DNM3: variants seen among roughly 807,000 people sequenced by gnomAD.
DNM3 encodes dynamin-3.
DNM3 carries 47 observed loss-of-function variants against 101.6 expected under a neutral mutation model. The observed-to-expected ratio is 0.46, with a 90% CI of 0.37 to 0.59. The LOEUF is 0.59. Among genes scored for constraint, DNM3 ranks in the 20% least tolerant of loss-of-function variants. DNM3 has a pLI of 0.00. For synonymous variants in DNM3, 385 were observed against 387.9 expected, an observed-to-expected ratio of 0.99 and a Z score of 0.09; for missense variants, 849 against 1,085.7, an observed-to-expected ratio of 0.78 and a Z score of 3.06.
chr1:172,381,370 T>A (rs1284602701), intron 18 of DNM3, among the ~76,000 whole-genome samples: 2 of 152,054 alleles, frequency 1.3e-5, no homozygotes, highest in Non-Finnish European at 2.9e-5. Flanking sequence ...AAATTGTGGC[T>A]TTGTTTGAAA....
intron 2 of DNM3, among the ~76,000 whole-genome samples, chr1:171,949,169 G>C (rs2042348081): frequency 6.6e-6 from 1 of 151,902 alleles, no homozygotes; most frequent in Admixed American, 6.6e-5. Flanking sequence ...ACTAATTTTT[G>C]TACCATTAAC....
At chr1:171,931,204 C>G (rs570617684) in intron 2 of DNM3, among the ~76,000 whole-genome samples, 1 of 152,136 alleles carries the variant, frequency 6.6e-6, no homozygotes, top group African/African-American at 2.4e-5. Flanking sequence ...GACTGGAAGA[C>G]GTAACAGTGT....
intron 2 of DNM3, among the ~76,000 whole-genome samples, chr1:171,986,716 G>A (rs534240186): frequency 2.9e-4 from 44 of 150,288 alleles, no homozygotes; most frequent in Non-Finnish European, 5.9e-4. Context: ...CTGCAGCCTC[G>A]ACCTCACAGG....
At chr1:171,868,845 G>A (rs144965917) in intron 1 of DNM3, among the ~76,000 whole-genome samples, 2,937 of 151,982 alleles carry the variant, frequency 0.019, 48 homozygotes, top group Admixed American at 0.037. Context: ...GTGCAGTGGC[G>A]CAATCTTGGC....
At chr1:171,921,663 G>T (rs775120266) in intron 1 of DNM3, 85 bp from the exon 2 acceptor site, 4 of 1,063,268 alleles carry the variant, frequency 3.8e-6, no homozygotes, top group Non-Finnish European at 5.7e-6. Flanking sequence ...TGGGAATTAG[G>T]AGAATTGCTG....
chr1:171,932,018 T>TCCTCCCTC (rs1275589771), intron 2 of DNM3, among the ~76,000 whole-genome samples: 1 of 84,400 alleles, frequency 1.2e-5, no homozygotes, highest in Admixed American at 1.3e-4. Context: ...CTCCCTCCCT[T>TCCTCCCTC]CCTCCCTCCC....
intron 1 of DNM3, among the ~76,000 whole-genome samples, chr1:171,847,579 C>A (rs1421616002): frequency 6.6e-6 from 1 of 152,112 alleles, no homozygotes. Flanking sequence ...TAACTGGATG[C>A]AGTGAAGGTT....
chr1:172,206,529 T>A (rs929503289), intron 14 of DNM3, among the ~76,000 whole-genome samples: 2 of 152,026 alleles, frequency 1.3e-5, no homozygotes, highest in Non-Finnish European at 2.9e-5. Context: ...TAATACTGCT[T>A]TTTTTTTCTT....
At chr1:171,886,768 G>A (rs918374232) in intron 1 of DNM3, among the ~76,000 whole-genome samples, 2 of 152,132 alleles carry the variant, frequency 1.3e-5, no homozygotes, top group East Asian at 1.9e-4. Context: ...TAGTGAACAA[G>A]TGTCTAGTAA....
At chr1:171,878,249 A>T (rs1267948686) in intron 1 of DNM3, among the ~76,000 whole-genome samples, 1 of 152,120 alleles carries the variant, frequency 6.6e-6, no homozygotes, top group Non-Finnish European at 1.5e-5. Context: ...ACCATGTGAG[A>T]TCATTTTTCT....
chr1:171,960,185 T>C (rs889125416), intron 2 of DNM3, among the ~76,000 whole-genome samples: 1 of 152,024 alleles, frequency 6.6e-6, no homozygotes, highest in Non-Finnish European at 1.5e-5. Context: ...AGGCAGAGAC[T>C]GGAGTAGTGC....
intron 12 of DNM3, among the ~76,000 whole-genome samples, chr1:172,084,467 G>A (rs1051113883): frequency 6.6e-6 from 1 of 152,074 alleles, no homozygotes; most frequent in Admixed American, 6.6e-5. Flanking sequence ...GTGATATTTT[G>A]CCCCAAGACT....
At chr1:172,294,704 C>A (rs1233120382) in intron 15 of DNM3, among the ~76,000 whole-genome samples, 2 of 152,022 alleles carry the variant, frequency 1.3e-5, no homozygotes, top group African/African-American at 4.8e-5. Context: ...TTTGAGCTCA[C>A]AAGTTCGAGA....
intron 14 of DNM3, among the ~76,000 whole-genome samples, chr1:172,166,778 T>C (rs996276765): frequency 6.6e-6 from 1 of 152,086 alleles, no homozygotes; most frequent in Non-Finnish European, 1.5e-5. Context: ...TTACTCATTT[T>C]AATTTTCTAC....
intron 14 of DNM3, chr1:172,133,344 T>C: frequency 2.7e-5 from 27 of 999,848 alleles, no homozygotes; most frequent in Non-Finnish European, 3.2e-5. Context: ...TCCTTATGAG[T>C]ACTTGATTAC....
chr1:172,075,442 T>G (rs1032814757), intron 11 of DNM3, among the ~76,000 whole-genome samples: 1 of 152,240 alleles, frequency 6.6e-6, no homozygotes, highest in Non-Finnish European at 1.5e-5. Flanking sequence ...TTTTATGCTT[T>G]TAGGTCTTGT....
At chr1:171,906,034 T>G (rs2125251446) in intron 1 of DNM3, among the ~76,000 whole-genome samples, 1 of 152,304 alleles carries the variant, frequency 6.6e-6, no homozygotes, top group African/African-American at 2.4e-5. Flanking sequence ...CTTCACATGC[T>G]TGTAATATTG....
At chr1:171,890,127 A>G (rs558086513) in intron 1 of DNM3, among the ~76,000 whole-genome samples, 72 of 152,206 alleles carry the variant, frequency 4.7e-4, no homozygotes, top group Non-Finnish European at 8.8e-4. Context: ...TTAGAGTATG[A>G]TGAATGAATC....
intron 4 of DNM3, among the ~76,000 whole-genome samples, chr1:172,015,488 T>A (rs908852533): frequency 6.6e-6 from 1 of 152,194 alleles, no homozygotes; most frequent in Admixed American, 6.5e-5. Context: ...TTGCATATAT[T>A]TTGTTAAATT....
Sources: gnomAD v4.1 joint callset for allele counts (sites outside exome capture counted in the v4.1 genomes callset) on GRCh38, gnomAD v4.1.1 for gene constraint, MANE v1.5 for transcripts, NCBI Gene and HGNC (gene_info 2026-07-23, HGNC 2026-07-21) for gene names.